Variants in PRPS1 observed in about 807,000 individuals in gnomAD.
PRPS1 encodes ribose-phosphate pyrophosphokinase 1.
In PRPS1, 1 loss-of-function variant was observed where a neutral mutation model predicts 16.9. The observed-to-expected ratio is 0.06, with a 90% CI of 0.02 to 0.28. The LOEUF is 0.28. PRPS1 is among the 10% of genes least tolerant of loss of function. The pLI is 1.00. For synonymous variants in PRPS1, 70 were observed against 90.2 expected (o/e 0.78, Z 1.27); for missense variants, 47 against 254.0 (o/e 0.19, Z 5.54).
In PRPS1 at chrX:107,639,405, A is replaced by G; in HGVS notation, c.233A>G (p.Lys78Arg). The G allele has an allele frequency of 8.3e-7, 1 of 1,211,802 alleles. No homozygotes were observed. Among genetic ancestry groups the G allele is most frequent in the Non-Finnish European group, 1.1e-6 (1 of 895,518 alleles). Reference sequence around the variant, plus strand: ...CTTTTGATCATGATTAATGCCTGCAAGATTGCTTCAGCCAGCCGGGTTACT... The same window carrying G: ...CTTTTGATCATGATTAATGCCTGCAGGATTGCTTCAGCCAGCCGGGTTACT... ...MELLIMINAC[K>R]IASASRVTAV... The change falls in exon 2 of 7, where the codon AAG becomes AGG. Residue 78 changes from lysine to arginine, a missense_variant. Physicochemically the swap from Lys to Arg is conservative, Grantham distance 26. This residue lies in a region of PRPS1 where 19 missense variants were observed against 155.6 expected (regional missense o/e 0.12). Transcript: ENST00000372435.
At position 107,650,535 on chromosome X, in the gene PRPS1, G is replaced by T. The variant is rs1245801887; in HGVS notation, c.*503G>T. 4 of 106,201 alleles carry T rather than the reference G, an allele frequency of 3.8e-5. No individual in the cohort carries two copies. Among genetic ancestry groups the T allele is most frequent in the South Asian group, 6.4e-4 (1 of 1,554 alleles). 8.8% of individuals were successfully genotyped at this position (106,201 alleles called of 1,213,427 possible). A position where few individuals can be genotyped will look rare whatever the true frequency, so the allele number is the denominator to read the frequency against. Reference sequence around the variant, plus strand: ...AAGGCAGGAGCAGGCAGCTCAGCTTGAGCAGACATTGGGTGGGGGGTGGGG... The same window carrying T: ...AAGGCAGGAGCAGGCAGCTCAGCTTTAGCAGACATTGGGTGGGGGGTGGGG... On this transcript the variant is annotated 3_prime_UTR_variant, in exon 7 of 7. Coordinates refer to ENST00000372435, the MANE Select transcript of PRPS1 (RefSeq NM_002764.4).
At chrX:107,634,484 C>T (rs1249543066) in intron 1 of PRPS1, among the ~76,000 whole-genome samples, 1 of 108,873 alleles carries the variant, frequency 9.2e-6, no homozygotes, top group East Asian at 2.9e-4. Context: ...CTGCCCACCT[C>T]GGCCTCCTAA....
chrX:107,647,459 A>C, intron 5 of PRPS1, 147 bp from the exon 6 acceptor site: 1 of 655,312 alleles, frequency 1.5e-6, no homozygotes, highest in Non-Finnish European at 2.2e-6. Context: ...CCCCTAACCC[A>C]CTGTGCCTTA....
Position 107,650,083 on chromosome X carries a change from T to C in PRPS1, c.*51T>C. On this transcript the variant is annotated 3_prime_UTR_variant, in exon 7 of 7. Coordinates refer to ENST00000372435, the MANE Select transcript of PRPS1 (RefSeq NM_002764.4). ...GAATAAAATCCACCCCACCCTTGTT[T>C]CCCCTTGGTATTTGATGACAAATTC... 3.3e-6 allele frequency: 4 copies of C among 1,210,147 alleles called. No homozygotes were observed. Among genetic ancestry groups the C allele is most frequent in the Non-Finnish European group, 4.5e-6 (4 of 894,764 alleles).
chrX:107,639,298 G>A lies in PRPS1; in HGVS notation c.126G>A (p.Val42=). 3.3e-6 allele frequency: 4 copies of A among 1,210,634 alleles called. No individual in the cohort carries two copies. Among genetic ancestry groups the A allele is most frequent in the Non-Finnish European group, 4.5e-6 (4 of 894,631 alleles). ...TKKFSNQETC[V]EIGESVRGED... Reference sequence around the variant, plus strand: ...GTTCTTTCTTTCCTCATTGTAGTGTGGAAATTGGTGAAAGTGTACGTGGAG... The same window carrying A: ...GTTCTTTCTTTCCTCATTGTAGTGTAGAAATTGGTGAAAGTGTACGTGGAG... Residue 42 remains valine (V), a synonymous_variant, in exon 2 of 7, where the codon GTG becomes GTA. Transcript: ENST00000372435.
chrX:107,630,544 A>G (rs1925285559), intron 1 of PRPS1, among the ~76,000 whole-genome samples: 1 of 111,831 alleles, frequency 8.9e-6, no homozygotes, highest in Non-Finnish European at 1.9e-5. Flanking sequence ...TTTCCTAGAT[A>G]TTCTGAAATC....
At chrX:107,632,105 A>G (rs1004212209) in intron 1 of PRPS1, among the ~76,000 whole-genome samples, 4 of 112,589 alleles carry the variant, frequency 3.6e-5, no homozygotes, top group African/African-American at 1.3e-4. Context: ...TACTATCCCT[A>G]TTTTACAGAG....
intron 1 of PRPS1, among the ~76,000 whole-genome samples, chrX:107,632,386 A>G (rs946851527): frequency 8.9e-6 from 1 of 112,522 alleles, no homozygotes. Context: ...TATTTTGCAC[A>G]TGCCAATATC....
chrX:107,638,486 C>T (rs1234509125), intron 1 of PRPS1, among the ~76,000 whole-genome samples: 2 of 111,985 alleles, frequency 1.8e-5, no homozygotes, highest in East Asian at 2.8e-4. Context: ...TCAGGTGATC[C>T]GCCCACCTCA....
intron 5 of PRPS1, among the ~76,000 whole-genome samples, chrX:107,646,946 A>G (rs1339354715): frequency 1.8e-5 from 2 of 112,616 alleles, no homozygotes; most frequent in Non-Finnish European, 3.7e-5. Flanking sequence ...CAGAAAGAAG[A>G]GGAAGTGGAT....
chrX:107,637,162 A>AT lies in PRPS1; in HGVS notation c.123-2124dup, dbSNP rs918220906. On this transcript the variant is annotated intron_variant, in intron 1 of 6. Coordinates refer to ENST00000372435, the MANE Select transcript of PRPS1 (RefSeq NM_002764.4). ...TTAAACCTGGTGAACAGGAGAGGTG[A>AT]TTTTTTTTTCTTGGTAGAGACCCGA... 9.2e-5 allele frequency among the ~76,000 whole-genome samples: 10 copies of AT among 109,196 alleles called. No individual in the cohort carries two copies. In the East Asian group the frequency reaches 1.1e-3, roughly 12 times the overall value. 94.8% of individuals were successfully genotyped at this position (109,196 alleles called of 115,157 possible).
At chrX:107,630,154 C>T (rs931984744) in intron 1 of PRPS1, 1 of 112,363 alleles carries the variant, frequency 8.9e-6, no homozygotes, top group Admixed American at 9.5e-5. Flanking sequence ...GGCTTACAAA[C>T]TGCTGTCTTT....
intron 1 of PRPS1, among the ~76,000 whole-genome samples, chrX:107,629,122 G>C (rs1210530845): frequency 9.0e-6 from 1 of 111,470 alleles, no homozygotes; most frequent in African/African-American, 3.3e-5. Flanking sequence ...GGACTGGGTT[G>C]CTTCAGCTCT....
chrX:107,637,740 G>T (rs972619591), intron 1 of PRPS1, among the ~76,000 whole-genome samples: 1 of 108,938 alleles, frequency 9.2e-6, no homozygotes, highest in African/African-American at 3.3e-5. Flanking sequence ...CTGGTATAAG[G>T]CTCCTTCAGA....
intron 4 of PRPS1, 43 bp from the exon 5 acceptor site, chrX:107,645,134 T>A: frequency 8.3e-7 from 1 of 1,204,660 alleles, no homozygotes; most frequent in Non-Finnish European, 1.1e-6. Flanking sequence ...ATTTCTTTTG[T>A]CTTAGAAGCC....
chrX:107,628,947 T>G (rs1925248239), intron 1 of PRPS1, among the ~76,000 whole-genome samples, 197 bp downstream of exon 1: 1 of 110,245 alleles, frequency 9.1e-6, no homozygotes, highest in Non-Finnish European at 1.9e-5. Flanking sequence ...TACCGTGCGG[T>G]GGGGTGGAGT....
At position 107,641,577 on chromosome X, in the gene PRPS1, C is replaced by T. The variant is rs750210238; in HGVS notation, c.405+577C>T. 8.1e-5 allele frequency among the ~76,000 whole-genome samples: 9 copies of T among 111,047 alleles called. No individual in the cohort carries two copies. The South Asian group carries it at 2.7e-3, about 33-fold the overall frequency. On this transcript the variant is annotated intron_variant, in intron 3 of 6. Transcript: ENST00000372435. The stretch of plus-strand genomic sequence containing the variant: ...TTCACCATGTTGGCCAGGCTGGTCT[C>T]GAACTCCTGACCTCAAGTGATCTGC...
chrX:107,631,176 A>G (rs1925301373), intron 1 of PRPS1, among the ~76,000 whole-genome samples: 2 of 111,753 alleles, frequency 1.8e-5, no homozygotes, highest in African/African-American at 3.2e-5. Context: ...TCTCCCTTTA[A>G]TATTTAGTAT....
At chrX:107,641,185 G>C in intron 3 of PRPS1, 185 bp downstream of exon 3, 1 of 1,116,602 alleles carries the variant, frequency 9.0e-7, no homozygotes, top group Non-Finnish European at 1.2e-6. Context: ...TGGTTAGATA[G>C]GGAGGCAGTC....
Sources: allele counts gnomAD v4.1 joint callset (sites outside exome capture counted in the v4.1 genomes callset), GRCh38; gene constraint gnomAD v4.1.1; regional missense constraint gnomAD v4.1.1; transcripts MANE v1.5; gene names NCBI Gene and HGNC (gene_info 2026-07-23, HGNC 2026-07-21).